The following DGLUCY variants were observed in gnomAD, a reference collection of about 807,000 sequenced individuals.
DGLUCY encodes D-glutamate cyclase, also known as D-glutamate cyclase, mitochondrial.
DGLUCY carries 58 observed loss-of-function variants against 58.5 expected under a neutral mutation model. The observed-to-expected ratio is 0.99, with a 90% CI of 0.80 to 1.23. The LOEUF is 1.23. DGLUCY is among the 50% of genes most tolerant of loss of function. The pLI, the probability that DGLUCY is intolerant of heterozygous loss-of-function variation, is 0.00. For synonymous variants in DGLUCY, 325 were observed against 314.1 expected (o/e 1.03, Z -0.37); for missense variants, 779 against 784.7 (o/e 0.99, Z 0.09).
intron 1 of DGLUCY, among the ~76,000 whole-genome samples, chr14:91,115,761 C>T (rs1254271509): frequency 6.6e-6 from 1 of 152,196 alleles, no homozygotes; most frequent in Admixed American, 6.5e-5. Context: ...GGCTAGATCC[C>T]CGGAGGCCAA....
At chr14:91,179,117 C>T (rs1679097272) in intron 7 of DGLUCY, among the ~76,000 whole-genome samples, 2 of 152,162 alleles carry the variant, frequency 1.3e-5, no homozygotes, top group Admixed American at 1.3e-4. Context: ...TGCGCAAGGC[C>T]CTCTGTGGGA....
At position 91,170,169 on chromosome 14, in the gene DGLUCY, C is replaced by T; in HGVS notation, c.424C>T (p.Pro142Ser). Residue 142 changes from proline to serine, a missense_variant, in exon 5 of 14, where the codon CCA (proline) becomes TCA (serine). By Grantham distance (74) the Pro-to-Ser change is moderately conservative. Transcript: ENST00000256324. ...LEKAGLPRRD[P>S]AGHSQAGAYK... ...GAAAGCGGGGCTCCCCAGAAGAGAC[C>T]CAGCAGGTCACAGCCAGGCGGGTGC... 2 of 1,613,776 alleles carry T rather than the reference C, an allele frequency of 1.2e-6. No individual in the cohort carries two copies. Among genetic ancestry groups the T allele is most frequent in the Non-Finnish European group, 1.7e-6 (2 of 1,180,012 alleles).
intron 11 of DGLUCY, among the ~76,000 whole-genome samples, chr14:91,201,875 C>T (rs2050582726): frequency 6.6e-6 from 1 of 151,690 alleles, no homozygotes; most frequent in Non-Finnish European, 1.5e-5. Flanking sequence ...CAACATGGCA[C>T]AACCCCGTCT....
intron 1 of DGLUCY, among the ~76,000 whole-genome samples, chr14:91,087,250 G>T (rs2044236917): frequency 6.6e-6 from 1 of 152,136 alleles, no homozygotes; most frequent in Non-Finnish European, 1.5e-5. Flanking sequence ...AATCATCTTT[G>T]TCCATTCAAA....
chr14:91,189,201 C>T, intron 9 of DGLUCY, 31 bp downstream of exon 9: 1 of 1,610,874 alleles, frequency 6.2e-7, no homozygotes, highest in African/African-American at 1.3e-5. Flanking sequence ...GGTCCATTTC[C>T]CCAAACGGGC....
At chr14:91,096,996 T>C (rs1426473503) in intron 1 of DGLUCY, among the ~76,000 whole-genome samples, 2 of 152,192 alleles carry the variant, frequency 1.3e-5, no homozygotes, top group South Asian at 2.1e-4. Context: ...CTTAAATCTA[T>C]AGAAGCAAAA....
At chr14:91,172,918 A>G (rs1295597008) in intron 5 of DGLUCY, among the ~76,000 whole-genome samples, 1 of 152,180 alleles carries the variant, frequency 6.6e-6, no homozygotes, top group African/African-American at 2.4e-5. Flanking sequence ...TGCTGGGATT[A>G]CAGGTGTGAG....
chr14:91,116,959 C>T (rs112829352), intron 1 of DGLUCY, among the ~76,000 whole-genome samples: 3,659 of 147,718 alleles, frequency 0.025, 66 homozygotes, highest in South Asian at 0.042. Flanking sequence ...AAAAAAAGAA[C>T]GGCTACTCCA....
chr14:91,189,977 TC>T (rs1391391802), intron 9 of DGLUCY, among the ~76,000 whole-genome samples: 63 of 128,760 alleles, frequency 4.9e-4, no homozygotes, highest in African/African-American at 1.9e-3. Flanking sequence ...TCTGTTAGGT[TC>T]TTTTTTTTTT....
upstream of DGLUCY, among the ~76,000 whole-genome samples, chr14:91,112,075 T>C (rs996830887): frequency 3.3e-5 from 5 of 150,658 alleles, no homozygotes; most frequent in African/African-American, 1.2e-4. Flanking sequence ...CCGTCTCTAC[T>C]ACTAAAAAAA....
intron 2 of DGLUCY, among the ~76,000 whole-genome samples, chr14:91,159,509 T>G (rs1228442129): frequency 6.6e-6 from 1 of 152,194 alleles, no homozygotes; most frequent in Non-Finnish European, 1.5e-5. Flanking sequence ...GAGCACAATT[T>G]CCTAGAGATT....
intron 1 of DGLUCY, among the ~76,000 whole-genome samples, chr14:91,063,222 AT>A (rs1432241583): frequency 2.0e-5 from 3 of 150,470 alleles, no homozygotes; most frequent in African/African-American, 7.4e-5. Context: ...CACCAATCTC[AT>A]TTCCTCTTCC....
At chr14:91,100,837 G>A (rs1303156132) in intron 1 of DGLUCY, among the ~76,000 whole-genome samples, 3 of 152,124 alleles carry the variant, frequency 2.0e-5, no homozygotes, top group Non-Finnish European at 2.9e-5. Flanking sequence ...TTGGGAAGCC[G>A]AGGCAGGTGG....
chr14:91,135,092 T>A lies in DGLUCY; in HGVS notation c.-82+20809T>A, dbSNP rs868723084. ...CCGCACACCACCATGCCCAGCTAAT[T>A]TTTTAATTTTTTGTAGAGACAGGGT... On this transcript the variant is annotated intron_variant, in intron 1 of 13. Transcript: ENST00000256324. Among the ~76,000 whole-genome samples the A allele has an allele frequency of 4.9e-4, 74 of 152,088 alleles. 2 individuals carry two copies. The highest frequency in any genetic ancestry group is 2.1e-3 in the South Asian group (10 of 4,812).
intron 1 of DGLUCY, among the ~76,000 whole-genome samples, chr14:91,136,504 GA>G (rs1411412072): frequency 2.0e-5 from 3 of 151,296 alleles, no homozygotes; most frequent in East Asian, 2.0e-4. Flanking sequence ...CCAACATGGT[GA>G]AAACCCCTTG....
rs1286996068 is a variant in DGLUCY, at chr14:91,160,148, A to G, written c.-29-118A>G. ...ACAATGCCCACCACAAGGCAGGCCCAGGAACAGGGCCAGGAAAGGGTAGGA... is the reference window on the plus strand; with the variant it reads ...ACAATGCCCACCACAAGGCAGGCCCGGGAACAGGGCCAGGAAAGGGTAGGA... On this transcript the variant is annotated intron_variant, in intron 2 of 13. Coordinates refer to ENST00000256324, the MANE Select transcript of DGLUCY (RefSeq NM_001102368.3). The G allele has an allele frequency of 7.1e-6, 5 of 708,898 alleles. No homozygotes were observed. In the East Asian group the frequency reaches 1.3e-4, roughly 19 times the overall value. 43.9% of individuals were successfully genotyped at this position (708,898 alleles called of 1,614,324 possible). A position where few individuals can be genotyped will look rare whatever the true frequency, so the allele number is the denominator to read the frequency against.
At chr14:91,200,054 G>A (rs1474090563) in intron 11 of DGLUCY, 149 bp downstream of exon 11, 70 of 989,446 alleles carry the variant, frequency 7.1e-5, no homozygotes, top group African/African-American at 1.1e-4. Flanking sequence ...TCCTGGGTTC[G>A]AGCAATTCTT....
intron 12 of DGLUCY, among the ~76,000 whole-genome samples, chr14:91,209,329 T>A (rs1204621451): frequency 6.6e-6 from 1 of 151,836 alleles, no homozygotes; most frequent in Non-Finnish European, 1.5e-5. Context: ...ACAAAGGCAA[T>A]AAAGAAAACA....
chr14:91,090,335 T>C (rs2044291231), intron 1 of DGLUCY, among the ~76,000 whole-genome samples: 1 of 152,140 alleles, frequency 6.6e-6, no homozygotes, highest in Non-Finnish European at 1.5e-5. Context: ...GCGGTGAGGG[T>C]ACCTGTTGAA....
Sources: gnomAD v4.1 joint callset for allele counts (sites outside exome capture counted in the v4.1 genomes callset) on GRCh38, gnomAD v4.1.1 for gene constraint, MANE v1.5 for transcripts, NCBI Gene and HGNC (gene_info 2026-07-23, HGNC 2026-07-21) for gene names.